TRMT1: variants seen among roughly 807,000 people sequenced by gnomAD.
TRMT1 encodes tRNA (guanine(26)-N(2))-dimethyltransferase.
TRMT1 carries 63 observed loss-of-function variants against 75.4 expected under a neutral mutation model. That is an observed-to-expected ratio of 0.84 (90% CI 0.68 to 1.03). The LOEUF is 1.03. TRMT1 is among the 50% of genes least tolerant of loss of function. The pLI, the probability that TRMT1 is intolerant of heterozygous loss-of-function variation, is 0.00. For missense variants in TRMT1, 870 were observed against 905.3 expected, an observed-to-expected ratio of 0.96 and a Z score of 0.50; for synonymous variants, 382 against 358.1, an observed-to-expected ratio of 1.07 and a Z score of -0.75.
rs1433419305 is a variant in TRMT1 at position 13,116,425 on chromosome 19, G to A, written c.-26C>T. 5 of 1,582,534 alleles carry A rather than the reference G, an allele frequency of 3.2e-6. No individual in the cohort carries two copies. The highest frequency in any genetic ancestry group is 1.1e-5 in the South Asian group (1 of 89,866). On this transcript the variant is annotated 5_prime_UTR_variant, in exon 2 of 17. Transcript: ENST00000357720. ...GAGACATCCGCTGGCGCCTCCGCCC[G>A]CCAAGCCTGGTTCGGGGGGCGGGGG...
chr19:13,114,161 C>G (rs996404124), intron 5 of TRMT1, among the ~76,000 whole-genome samples: 1 of 152,188 alleles, frequency 6.6e-6, no homozygotes, highest in African/African-American at 2.4e-5. Flanking sequence ...TATGTGGTCC[C>G]TACTGCATAG....
Position 13,105,517 on chromosome 19 carries a change from T to C in TRMT1, c.1673A>G (p.Asn558Ser), listed in dbSNP as rs778442767. 10 of 1,614,056 alleles carry C rather than the reference T, an allele frequency of 6.2e-6. No individual in the cohort carries two copies. The highest frequency in any genetic ancestry group is 5.5e-5 in the South Asian group (5 of 91,080). Reference protein sequence around the residue: ...LKRFQANPEANWGPRPRARPG... With the variant: ...LKRFQANPEASWGPRPRARPG... The stretch of plus-strand genomic sequence containing the variant: ...CCGGGCACGAGGCCGGGGACCCCAG[T>C]TGGCCTCCGGGTTAGCCTGGAAGCG... Residue 558 changes from asparagine (N) to serine (S), a missense_variant, in exon 15 of 17, where the codon AAC (asparagine) becomes AGC (serine). By Grantham distance (46) the Asn-to-Ser change is conservative. Coordinates refer to ENST00000357720, the MANE Select transcript of TRMT1 (RefSeq NM_001136035.4).
Position 13,115,259 on chromosome 19 carries a change from C to G in TRMT1, c.641+20G>C. The G allele has an allele frequency of 6.3e-7, 1 of 1,597,978 alleles. No individual in the cohort carries two copies. Among genetic ancestry groups the G allele is most frequent in the South Asian group, 1.1e-5 (1 of 88,920 alleles). ...CAGGCAGGCTTGTCCCAGAGCTAGGCTGTGATGCCCAGAACCTACCGGGCA... is the reference window on the plus strand; with the variant it reads ...CAGGCAGGCTTGTCCCAGAGCTAGGGTGTGATGCCCAGAACCTACCGGGCA... On this transcript the variant is annotated intron_variant, in intron 5 of 16. Coordinates refer to ENST00000357720, the MANE Select transcript of TRMT1 (RefSeq NM_001136035.4).
At chr19:13,108,076 C>T (rs536764870) in intron 12 of TRMT1, among the ~76,000 whole-genome samples, 18 of 144,480 alleles carry the variant, frequency 1.2e-4, no homozygotes, top group South Asian at 8.9e-4. Context: ...CCACAGCCTC[C>T]GCCTCCTGGG....
chr19:13,110,371 G>A lies in TRMT1; in HGVS notation c.871-65C>T, dbSNP rs1599944118. On this transcript the variant is annotated intron_variant, in intron 7 of 16. Transcript: ENST00000357720. ...CCACCCACCCCACCAGGAGCCCTAT[G>A]TGGTACTCACAAGTACAGGCTCAGG... The A allele has an allele frequency of 4.0e-6, 6 of 1,508,576 alleles. No individual in the cohort carries two copies. In the Admixed American group the frequency reaches 6.3e-5, roughly 16 times the overall value. 93.4% of individuals were successfully genotyped at this position (1,508,576 alleles called of 1,614,324 possible).
At position 13,109,668 on chromosome 19, in the gene TRMT1, C is replaced by T. The variant is rs2019052839; in HGVS notation, c.1193G>A (p.Trp398Ter). ...ATCCAGGTCATGGATGGGCTCTGCC[C>T]ACATGGGGCCACCAAGCTGGGGGCG... is the stretch of plus-strand genomic sequence containing the variant. ...GQRHQLGGPM[W>*]AEPIHDLDFV... Residue 398 changes from tryptophan (W) to a stop codon, truncating the protein, a stop_gained, in exon 11 of 17, where the codon TGG becomes TAG. Transcript: ENST00000357720. LOFTEE classifies it high-confidence loss of function. 6 of 1,613,864 alleles carry T rather than the reference C, an allele frequency of 3.7e-6. No homozygotes were observed. The highest frequency in any genetic ancestry group is 5.1e-6 in the Non-Finnish European group (6 of 1,179,996).
At chr19:13,110,881 C>T (rs949564310) in intron 7 of TRMT1, among the ~76,000 whole-genome samples, 3 of 151,958 alleles carry the variant, frequency 2.0e-5, no homozygotes, top group African/African-American at 2.4e-5. Context: ...ACCTGGGAGG[C>T]GAAGGTTGCA....
In TRMT1 at chr19:13,112,780, C is replaced by T; in HGVS notation, c.795G>A (p.Leu265=). The T allele has an allele frequency of 5.0e-6, 8 of 1,614,146 alleles. No homozygotes were observed. Among genetic ancestry groups the T allele is most frequent in the Non-Finnish European group, 6.8e-6 (8 of 1,180,014 alleles). ...AGCACGTCTCCCCGCTGTTCCCCGC[C>T]AACACCGCCATGTCTGTGCAGGTCA... ...LCVTCTDMAV[L]AGNSGETCYS... Residue 265 remains leucine (L), a synonymous_variant, in exon 7 of 17, where the codon TTG becomes TTA. Coordinates refer to ENST00000357720, the MANE Select transcript of TRMT1 (RefSeq NM_001136035.4).
At chr19:13,109,740 C>T (rs1197911050) in intron 10 of TRMT1, 29 bp downstream of exon 10, 1 of 1,614,064 alleles carries the variant, frequency 6.2e-7, no homozygotes. Context: ...GACCCTCTTG[C>T]TCCTTTGCCT....
chr19:13,113,523 T>A (rs570599377), intron 5 of TRMT1, among the ~76,000 whole-genome samples: 4 of 152,110 alleles, frequency 2.6e-5, no homozygotes, highest in Non-Finnish European at 5.9e-5. Flanking sequence ...TGGAACTCAG[T>A]CCACACATCT....
intron 4 of TRMT1, 53 bp from the exon 5 acceptor site, chr19:13,115,519 G>A: frequency 3.1e-6 from 5 of 1,598,370 alleles, no homozygotes; most frequent in Non-Finnish European, 4.3e-6. Flanking sequence ...ATCCTCTTCT[G>A]GGCCCCAAGG....
At position 13,116,512 on chromosome 19, in the gene TRMT1, G is replaced by A. The variant is rs2019371528; in HGVS notation, c.-32-81C>T. The stretch of plus-strand genomic sequence containing the variant: ...CCGGGGATGTCCTACATATCTATGA[G>A]GTAGGGACTAGGAAAACCTGCGGCC... On this transcript the variant is annotated intron_variant, in intron 1 of 16. Transcript: ENST00000357720. 4.9e-6 allele frequency: 7 copies of A among 1,414,362 alleles called. 1 individual carries two copies. Among genetic ancestry groups the A allele is most frequent in the East Asian group, 2.4e-5 (1 of 42,426 alleles). The allele number at this position is 1,414,362 out of a possible 1,614,324, so 87.6% of individuals were successfully genotyped here. A position where few individuals can be genotyped will look rare whatever the true frequency, so the allele number is the denominator to read the frequency against.
In TRMT1 at chr19:13,105,538, A is replaced by G; in HGVS notation, c.1652T>C (p.Phe551Ser). 1 of 1,613,976 alleles carries G rather than the reference A, an allele frequency of 6.2e-7. No homozygotes were observed. The highest frequency in any genetic ancestry group is 8.5e-7 in the Non-Finnish European group (1 of 1,180,000). Reference sequence around the variant, plus strand: ...CCAGTTGGCCTCCGGGTTAGCCTGGAAGCGCTTGAGTCCTCGCTGTCGGGA... The same window carrying G: ...CCAGTTGGCCTCCGGGTTAGCCTGGGAGCGCTTGAGTCCTCGCTGTCGGGA... ...PSSRQRGLKR[F>S]QANPEANWGP... Residue 551 changes from phenylalanine to serine, a missense_variant, in exon 15 of 17, where the codon TTC (phenylalanine) becomes TCC (serine). Transcript: ENST00000357720.
chr19:13,116,257 C>T lies in TRMT1; in HGVS notation c.143G>A (p.Arg48His). ...ENGTGPYGEERPREVQETTVT... is the reference protein window; with the variant it reads ...ENGTGPYGEEHPREVQETTVT... ...TGTCGTCTCCTGGACTTCACGTGGA[C>T]GTTCTTCTCCGTAGGGCCCGGTGCC... Residue 48 changes from arginine to histidine, a missense_variant, in exon 2 of 17, where the codon CGT becomes CAT. Coordinates refer to ENST00000357720, the MANE Select transcript of TRMT1 (RefSeq NM_001136035.4). The T allele has an allele frequency of 1.2e-6, 2 of 1,614,190 alleles. No homozygotes were observed. Among genetic ancestry groups the T allele is most frequent in the Middle Eastern group, 1.6e-4 (1 of 6,062 alleles).
In TRMT1 at chr19:13,116,598, G is replaced by A. The variant is rs1026210803; in HGVS notation, c.-33+55C>T. On this transcript the variant is annotated intron_variant, in intron 1 of 16. Transcript: ENST00000357720. ...TGGTCCCTGTGGAGCCGATGCCCTC[G>A]TGCAGGCCCGCCCCGAGTCCGAATC... 5.5e-6 allele frequency: 4 copies of A among 727,044 alleles called. No individual in the cohort carries two copies. The East Asian group carries it at 8.3e-5, about 15-fold the overall frequency. 45.0% of individuals were successfully genotyped at this position (727,044 alleles called of 1,614,324 possible). A position where few individuals can be genotyped will look rare whatever the true frequency, so the allele number is the denominator to read the frequency against.
At chr19:13,110,118 C>A in intron 8 of TRMT1, 40 bp downstream of exon 8, 1 of 1,609,590 alleles carries the variant, frequency 6.2e-7, no homozygotes, top group Non-Finnish European at 8.5e-7. Context: ...GGTCCTGTCT[C>A]CTCTCTCAAT....
intron 5 of TRMT1, among the ~76,000 whole-genome samples, chr19:13,113,660 A>G (rs2019226175): frequency 6.6e-6 from 1 of 151,670 alleles, no homozygotes; most frequent in Admixed American, 6.6e-5. Flanking sequence ...CCCAGGCTGG[A>G]GTGCAGTGGT....
At chr19:13,106,087 G>A (rs2018855935) in intron 14 of TRMT1, among the ~76,000 whole-genome samples, 1 of 151,580 alleles carries the variant, frequency 6.6e-6, no homozygotes, top group African/African-American at 2.4e-5. Flanking sequence ...AAGATACAGG[G>A]TCTCACTCTG....
At chr19:13,111,893 A>G (rs527937746) in intron 7 of TRMT1, among the ~76,000 whole-genome samples, 1 of 142,202 alleles carries the variant, frequency 7.0e-6, no homozygotes, top group Non-Finnish European at 1.5e-5. Context: ...TGGAGATCAG[A>G]TTTCACCATG....
Sources: allele counts gnomAD v4.1 joint callset (sites outside exome capture counted in the v4.1 genomes callset), GRCh38; gene constraint gnomAD v4.1.1; transcripts MANE v1.5; gene names NCBI Gene and HGNC (gene_info 2026-07-23, HGNC 2026-07-21).